CUBN: variants seen among roughly 807,000 people sequenced by gnomAD.
CUBN encodes cubilin.
A neutral mutation model predicts 405.3 loss-of-function variants in CUBN; 282 were observed. The observed-to-expected ratio is 0.70, with a 90% CI of 0.63 to 0.77. The LOEUF is 0.77. Ranked by LOEUF, CUBN falls within the 30% of genes least tolerant of loss-of-function variation. The pLI, the probability that CUBN is intolerant of heterozygous loss-of-function variation, is 0.00. For missense variants in CUBN, 4,514 were observed against 4,475.2 expected (o/e 1.01, Z -0.25); for synonymous variants, 1,684 against 1,617.0 (o/e 1.04, Z -0.99).
At chr10:16,918,476 C>A in intron 45 of CUBN, 146 bp downstream of exon 45, 1 of 606,388 alleles carries the variant, frequency 1.6e-6, no homozygotes, top group Non-Finnish European at 2.9e-6. Flanking sequence ...GGGAGAAGAG[C>A]AGAAAAAATA....
intron 28 of CUBN, among the ~76,000 whole-genome samples, chr10:17,002,864 A>C (rs1564472534): frequency 6.6e-6 from 1 of 152,236 alleles, no homozygotes; most frequent in African/African-American, 2.4e-5. Context: ...ATTTCTTTGC[A>C]GAAAAGATAT....
chr10:16,926,979 C>A (rs765424623), intron 41 of CUBN, among the ~76,000 whole-genome samples: 3 of 151,918 alleles, frequency 2.0e-5, no homozygotes, highest in African/African-American at 4.8e-5. Flanking sequence ...TCATACCCCA[C>A]CCATCCTCCC....
intron 62 of CUBN, among the ~76,000 whole-genome samples, chr10:16,836,640 T>C (rs1839178656): frequency 6.6e-6 from 1 of 152,202 alleles, no homozygotes. Context: ...ATAAGATCCC[T>C]CGCCTTTTAT....
intron 31 of CUBN, 37 bp downstream of exon 31, chr10:16,982,447 T>C: frequency 6.3e-7 from 1 of 1,579,700 alleles, no homozygotes; most frequent in South Asian, 1.1e-5. Context: ...TGACCGAGGT[T>C]TGACTGGAGA....
chr10:16,939,191 G>A (rs1842593469), intron 37 of CUBN, 44 bp from the exon 38 acceptor site: 1 of 1,474,546 alleles, frequency 6.8e-7, no homozygotes, highest in Non-Finnish European at 9.5e-7. Flanking sequence ...ACTTAGAATT[G>A]CTCTTTAATC....
At position 16,947,333 on chromosome 10, in the gene CUBN, G is replaced by A; in HGVS notation, c.5244C>T (p.Ile1748=). ...CGGTFYMAEG[I]FNSPGYPDIY... ...TGTCTGGGTAGCCAGGGCTGTTGAA[G>A]ATGCCTTCAGCCATGTAGAACGTTC... Residue 1748 remains isoleucine (I), a synonymous_variant, in exon 36 of 67, where the codon ATC becomes ATT. Coordinates refer to ENST00000377833, the MANE Select transcript of CUBN (RefSeq NM_001081.4). 1 of 1,614,106 alleles carries A rather than the reference G, an allele frequency of 6.2e-7. No homozygotes were observed. The highest frequency in any genetic ancestry group is 8.5e-7 in the Non-Finnish European group (1 of 1,179,986).
chr10:17,048,624 T>C (rs918700817), intron 22 of CUBN, among the ~76,000 whole-genome samples: 4 of 152,122 alleles, frequency 2.6e-5, no homozygotes, highest in African/African-American at 7.2e-5. Flanking sequence ...ACTACAAGCA[T>C]GCACCACCAT....
In CUBN at chr10:16,834,952, A is replaced by G; in HGVS notation, c.10362+62T>C. The G allele has an allele frequency of 6.0e-6, 9 of 1,498,486 alleles. No homozygotes were observed. In the South Asian group the frequency reaches 9.1e-5, roughly 15 times the overall value. 92.8% of individuals were successfully genotyped at this position (1,498,486 alleles called of 1,614,324 possible). On this transcript the variant is annotated intron_variant, in intron 64 of 66. Transcript: ENST00000377833. ...TAGCAGCACTAGATAAAAGGTGTAA[A>G]ATCTTAAGTGATCCACCATCTTTTA...
chr10:16,935,173 T>C (rs1304572173), intron 39 of CUBN, among the ~76,000 whole-genome samples: 1 of 152,208 alleles, frequency 6.6e-6, no homozygotes, highest in African/African-American at 2.4e-5. Flanking sequence ...ATTTTTACTA[T>C]TTATGTATTT....
intron 28 of CUBN, among the ~76,000 whole-genome samples, chr10:16,991,607 T>G (rs1833588155): frequency 6.6e-6 from 1 of 150,794 alleles, no homozygotes; most frequent in African/African-American, 2.4e-5. Flanking sequence ...TTTTTGCTCT[T>G]AACATTTCTG....
At chr10:16,958,477 G>A (rs976692889) in intron 31 of CUBN, among the ~76,000 whole-genome samples, 3 of 152,140 alleles carry the variant, frequency 2.0e-5, no homozygotes, top group African/African-American at 7.2e-5. Flanking sequence ...AGTGAGCTGC[G>A]ATTGCACCAC....
At chr10:16,956,161 C>T (rs905182322) in intron 31 of CUBN, among the ~76,000 whole-genome samples, 1 of 152,074 alleles carries the variant, frequency 6.6e-6, no homozygotes, top group Non-Finnish European at 1.5e-5. Flanking sequence ...GTATGATTGG[C>T]AGGATATTCT....
At chr10:16,968,407 A>ATTGCTT (rs1005866229) in intron 31 of CUBN, among the ~76,000 whole-genome samples, 1 of 151,840 alleles carries the variant, frequency 6.6e-6, no homozygotes, top group East Asian at 1.9e-4. Flanking sequence ...TACTAATCAT[A>ATTGCTT]TTGCTTTTGC....
At chr10:17,016,802 G>A (rs1425145411) in intron 28 of CUBN, among the ~76,000 whole-genome samples, 3 of 152,090 alleles carry the variant, frequency 2.0e-5, no homozygotes, top group African/African-American at 7.2e-5. Flanking sequence ...AGGATATGGG[G>A]GTAAGCTGAA....
chr10:16,883,581 G>C (rs1323830941), intron 56 of CUBN, among the ~76,000 whole-genome samples: 1 of 152,192 alleles, frequency 6.6e-6, no homozygotes, highest in African/African-American at 2.4e-5. Flanking sequence ...TGTGCTTCTT[G>C]ATGGGGAAAA....
At chr10:16,956,898 C>T (rs1196659623) in intron 31 of CUBN, among the ~76,000 whole-genome samples, 2 of 151,818 alleles carry the variant, frequency 1.3e-5, no homozygotes, top group Non-Finnish European at 2.9e-5. Context: ...TTAAGTGATG[C>T]ATAATAATTG....
At position 17,088,199 on chromosome 10, in the gene CUBN, C is replaced by T. The variant is rs765661651; in HGVS notation, c.1912G>A (p.Glu638Lys). Residue 638 changes from glutamate to lysine, a missense_variant, in exon 15 of 67, where the codon GAG (glutamate) becomes AAG (lysine). By Grantham distance (56) the Glu-to-Lys change is moderately conservative (BLOSUM62 1). This residue lies in a region of CUBN where 1,448 missense variants were observed against 1,388.0 expected (regional missense o/e 1.04). Coordinates refer to ENST00000377833, the MANE Select transcript of CUBN (RefSeq NM_001081.4). Reference protein sequence around the residue: ...VTFTFGTLSLEHHDDCNKDYL... With the variant: ...VTFTFGTLSLKHHDDCNKDYL... ...TCTTTGTTGCAGTCATCATGGTGCT[C>T]GAGGCTCAAGGTCCCAAAAGTAAAT... 5 of 1,613,586 alleles carry T rather than the reference C, an allele frequency of 3.1e-6. No individual in the cohort carries two copies. Among genetic ancestry groups the T allele is most frequent in the Non-Finnish European group, 3.4e-6 (4 of 1,179,664 alleles).
chr10:16,848,726 G>C (rs563697997), intron 60 of CUBN, among the ~76,000 whole-genome samples: 1 of 99,468 alleles, frequency 1.0e-5, no homozygotes, highest in South Asian at 3.6e-4. Flanking sequence ...TTTGGCGAAA[G>C]TATCTCACTC....
intron 9 of CUBN, among the ~76,000 whole-genome samples, chr10:17,110,114 T>C (rs1836735420): frequency 6.6e-6 from 1 of 152,172 alleles, no homozygotes; most frequent in Admixed American, 6.5e-5. Context: ...ACATACAAGG[T>C]TTCAGTTTAT....
Sources: allele counts gnomAD v4.1 joint callset (sites outside exome capture counted in the v4.1 genomes callset), GRCh38; gene constraint gnomAD v4.1.1; regional missense constraint gnomAD v4.1.1; transcripts MANE v1.5; gene names NCBI Gene and HGNC (gene_info 2026-07-23, HGNC 2026-07-21).